The following UNC13B variants were observed in gnomAD, a reference collection of about 807,000 sequenced individuals.
UNC13B encodes protein unc-13 homolog B.
In UNC13B, 144 loss-of-function variants were observed where a neutral mutation model predicts 211.0. The ratio of observed to expected loss-of-function variants is 0.68; its 90% CI spans 0.60 to 0.78. UNC13B has a LOEUF of 0.78. Ranked by LOEUF, UNC13B falls within the 30% of genes least tolerant of loss-of-function variation. UNC13B has a pLI of 0.00. For synonymous variants in UNC13B, 709 were observed against 725.8 expected (o/e 0.98, Z 0.37); for missense variants, 1,777 against 2,002.0 (o/e 0.89, Z 2.14).
rs541037776 is a variant in UNC13B at position 35,291,026 on chromosome 9, G to T, written c.527-4670G>T. 3.4e-5 allele frequency: 53 copies of T among 1,548,140 alleles called. No homozygotes were observed. The South Asian group carries it at 5.8e-4, about 17-fold the overall frequency. On this transcript the variant is annotated intron_variant, in intron 7 of 39. Coordinates refer to ENST00000635942, the MANE Select transcript of UNC13B (RefSeq NM_001371189.2). ...ATGACTTTTGAATTCCTTCAAAAAA[G>T]TATTTTCAAAAATTATCTGCTGCTT...
chr9:35,297,869 G>A (rs774586155), intron 8 of UNC13B, among the ~76,000 whole-genome samples: 23 of 151,774 alleles, frequency 1.5e-4, no homozygotes, highest in Non-Finnish European at 2.6e-4. Context: ...CTTATTATTG[G>A]TGATGTTTAG....
chr9:35,304,077 A>T lies in UNC13B; in HGVS notation c.4673A>T (p.Asp1558Val), dbSNP rs182039182. Residue 1558 changes from aspartate (D) to valine (V), a missense_variant, in exon 9 of 40, where the codon GAT (aspartate) becomes GTT (valine). Asp to Val is a radical substitution (Grantham distance 152). Transcript: ENST00000635942. ...CAGTATGCATATTTATTTATACCTG[A>T]TTCTTATCAAGAGTATTTGGATTGT... The part of the protein sequence containing the change: ...TGQYAYLFIP[D>V]SYQEYLDCDL... The T allele has an allele frequency of 5.0e-6, 2 of 398,600 alleles. No individual in the cohort carries two copies. Among genetic ancestry groups the T allele is most frequent in the African/African-American group, 4.1e-5 (2 of 48,572 alleles). 24.7% of individuals were successfully genotyped at this position (398,600 alleles called of 1,614,324 possible).
At chr9:35,218,042 G>A (rs971611216) in intron 1 of UNC13B, among the ~76,000 whole-genome samples, 3 of 152,028 alleles carry the variant, frequency 2.0e-5, no homozygotes, top group African/African-American at 7.2e-5. Context: ...TTTTAGGCGT[G>A]GAAAGAGAAA....
chr9:35,284,576 A>G (rs1026677286), intron 7 of UNC13B, among the ~76,000 whole-genome samples: 5 of 152,188 alleles, frequency 3.3e-5, no homozygotes, highest in Non-Finnish European at 7.4e-5. Flanking sequence ...GGATTTTTCT[A>G]TCTATATCAC....
chr9:35,273,413 A>G (rs1828002107), intron 7 of UNC13B, among the ~76,000 whole-genome samples: 2 of 152,180 alleles, frequency 1.3e-5, no homozygotes, highest in African/African-American at 4.8e-5. Flanking sequence ...TGATTCTTAG[A>G]TGGCAAGCAG....
At position 35,177,143 on chromosome 9, in the gene UNC13B, C is replaced by T. The variant is rs373951843; in HGVS notation, c.22+14838C>T. Among the ~76,000 whole-genome samples the T allele has an allele frequency of 8.2e-4, 124 of 152,096 alleles. 2 individuals carry two copies. The South Asian group carries it at 0.019, about 24-fold the overall frequency. ...TAAAAAAAATTAAAAAAAAATTAGT[C>T]GGGCGTGGTGGCCGGTGCCTATAAT... On this transcript the variant is annotated intron_variant, in intron 1 of 39. Transcript: ENST00000635942.
intron 21 of UNC13B, 73 bp from the exon 22 acceptor site, chr9:35,384,173 G>GT: frequency 3.1e-6 from 5 of 1,600,152 alleles, no homozygotes; most frequent in Non-Finnish European, 4.3e-6. Flanking sequence ...GGGTGGTTCT[G>GT]TTTCTGTTAT....
At chr9:35,374,983 T>A in intron 13 of UNC13B, 144 bp from the exon 14 acceptor site, 1 of 810,288 alleles carries the variant, frequency 1.2e-6, no homozygotes, top group Non-Finnish European at 2.1e-6. Context: ...TGTCACCTGT[T>A]AGGGCGGTTG....
intron 1 of UNC13B, among the ~76,000 whole-genome samples, chr9:35,197,953 TAATAC>T (rs1468621150): frequency 2.0e-5 from 3 of 152,282 alleles, no homozygotes; most frequent in Non-Finnish European, 4.4e-5. Context: ...GAGAACAGAC[TAATAC>T]AATATGCGAA....
chr9:35,244,440 C>G (rs989091884), intron 6 of UNC13B, among the ~76,000 whole-genome samples: 1 of 152,158 alleles, frequency 6.6e-6, no homozygotes, highest in Admixed American at 6.6e-5. Flanking sequence ...TGGCTTACAG[C>G]AACCAAAATT....
At chr9:35,323,180 T>C (rs1830827837) in intron 11 of UNC13B, among the ~76,000 whole-genome samples, 1 of 152,020 alleles carries the variant, frequency 6.6e-6, no homozygotes, top group African/African-American at 2.4e-5. Context: ...TTACACACAT[T>C]GTCCTACACC....
At chr9:35,390,116 G>C in intron 25 of UNC13B, 143 bp downstream of exon 25, 2 of 1,447,112 alleles carry the variant, frequency 1.4e-6, no homozygotes, top group South Asian at 1.3e-5. Flanking sequence ...CCTTGTATCT[G>C]TCTGGGTAAC....
chr9:35,344,626 T>C (rs935128943), intron 11 of UNC13B, among the ~76,000 whole-genome samples: 3 of 152,078 alleles, frequency 2.0e-5, no homozygotes, highest in Non-Finnish European at 4.4e-5. Flanking sequence ...GAGCCTCCCA[T>C]CTAGTAGTCT....
At chr9:35,270,379 A>G (rs143773178) in intron 7 of UNC13B, among the ~76,000 whole-genome samples, 1 of 151,486 alleles carries the variant, frequency 6.6e-6, no homozygotes, top group East Asian at 1.9e-4. Flanking sequence ...GTGTTTGTGT[A>G]TTATGCACAT....
chr9:35,200,675 A>G (rs1472311183), intron 1 of UNC13B, among the ~76,000 whole-genome samples: 1 of 152,316 alleles, frequency 6.6e-6, no homozygotes, highest in Admixed American at 6.5e-5. Flanking sequence ...TGATTTTTGC[A>G]CATTGATTTT....
intron 11 of UNC13B, chr9:35,353,742 G>C: frequency 8.1e-7 from 1 of 1,232,054 alleles, no homozygotes; most frequent in Admixed American, 4.2e-5. Flanking sequence ...AAAAGACTAA[G>C]GCAGAAAAAA....
In UNC13B at chr9:35,366,973, G is replaced by C; in HGVS notation, c.9441G>C (p.Leu3147=). ...TTCCAGATGATGGTGACCCCTCTCT[G>C]CCTCAGTGGCTCCCGGAAGGGTAAG... The part of the protein sequence containing the change: ...QEIPDDGDPS[L]PQWLPEGPAG... Residue 3147 remains leucine (L), a synonymous_variant, in exon 12 of 40, where the codon CTG becomes CTC. Transcript: ENST00000635942. The C allele has an allele frequency of 6.2e-7, 1 of 1,613,890 alleles. No homozygotes were observed. The highest frequency in any genetic ancestry group is 1.1e-5 in the South Asian group (1 of 91,072).
intron 1 of UNC13B, among the ~76,000 whole-genome samples, chr9:35,164,063 C>T (rs988056978): frequency 6.6e-6 from 1 of 152,192 alleles, no homozygotes; most frequent in Non-Finnish European, 1.5e-5. Context: ...GTCACCCAGG[C>T]TGGAGTGCAG....
At chr9:35,216,527 C>T (rs1355865450) in intron 1 of UNC13B, among the ~76,000 whole-genome samples, 1 of 152,088 alleles carries the variant, frequency 6.6e-6, no homozygotes. Flanking sequence ...CCAAAAACAG[C>T]CTTTTCTCTT....
Sources: gnomAD v4.1 joint callset for allele counts (sites outside exome capture counted in the v4.1 genomes callset) on GRCh38, gnomAD v4.1.1 for gene constraint, MANE v1.5 for transcripts, NCBI Gene and HGNC (gene_info 2026-07-23, HGNC 2026-07-21) for gene names.